NRG1: variants seen among roughly 807,000 people sequenced by gnomAD.
The protein encoded by NRG1 is neuregulin 1.
Under a neutral mutation model 63.8 loss-of-function variants are expected in NRG1, and 18 were observed. That is an observed-to-expected ratio of 0.28 (90% CI 0.19 to 0.42). The LOEUF (loss-of-function observed/expected upper bound fraction) is 0.42. NRG1 is among the 10% of genes least tolerant of loss of function. The pLI is 1.00. For missense variants in NRG1, 762 were observed against 814.7 expected, an observed-to-expected ratio of 0.94 and a Z score of 0.79; for synonymous variants, 302 against 301.3, an observed-to-expected ratio of 1.00 and a Z score of -0.02.
intron 1 of NRG1, among the ~76,000 whole-genome samples, chr8:32,159,644 C>T (rs971839436): frequency 6.0e-5 from 9 of 151,098 alleles, no homozygotes; most frequent in Non-Finnish European, 1.3e-4. Flanking sequence ...AACATTTGGT[C>T]GATGAAAAGT....
chr8:32,772,546 T>C (rs1348852897), downstream of NRG1, among the ~76,000 whole-genome samples: 2 of 152,192 alleles, frequency 1.3e-5, no homozygotes, highest in African/African-American at 4.8e-5. Flanking sequence ...ATGTAAACTT[T>C]GCACCTTTCT....
At chr8:32,068,884 T>C (rs1369856001) in intron 1 of NRG1, among the ~76,000 whole-genome samples, 1 of 152,204 alleles carries the variant, frequency 6.6e-6, no homozygotes, top group Non-Finnish European at 1.5e-5. Flanking sequence ...AGAATCTAGT[T>C]CATTACTCTG....
At chr8:31,807,133 T>C (rs911255330) in intron 1 of NRG1, among the ~76,000 whole-genome samples, 1 of 152,154 alleles carries the variant, frequency 6.6e-6, no homozygotes, top group Admixed American at 6.5e-5. Context: ...CCTTGGGAAA[T>C]AGGAAATGAA....
intron 1 of NRG1, among the ~76,000 whole-genome samples, chr8:31,904,104 G>T (rs1375816831): frequency 1.3e-5 from 2 of 152,080 alleles, no homozygotes; most frequent in Non-Finnish European, 2.9e-5. Context: ...TCCAAATGTG[G>T]TGCACTTTCC....
At chr8:32,541,507 G>GA (rs35243395) in intron 1 of NRG1, among the ~76,000 whole-genome samples, 12,870 of 143,962 alleles carry the variant, frequency 0.089, 604 homozygotes, top group Middle Eastern at 0.11. Context: ...GAACATACAG[G>GA]AAAAAAAAAA....
intron 1 of NRG1, among the ~76,000 whole-genome samples, chr8:32,290,589 CCT>C: frequency 6.6e-6 from 1 of 152,190 alleles, no homozygotes; most frequent in South Asian, 2.1e-4. Flanking sequence ...CTAACTGTGC[CCT>C]GTTACAGTGG....
At chr8:31,784,506 C>A (rs1819994580) in intron 1 of NRG1, among the ~76,000 whole-genome samples, 1 of 152,162 alleles carries the variant, frequency 6.6e-6, no homozygotes, top group Non-Finnish European at 1.5e-5. Flanking sequence ...TGCCGAGTTT[C>A]AATGCTTTAA....
chr8:32,411,040 TAA>T, intron 1 of NRG1, among the ~76,000 whole-genome samples: 1 of 152,074 alleles, frequency 6.6e-6, no homozygotes, highest in African/African-American at 2.4e-5. Flanking sequence ...CATGCCCAGC[TAA>T]TTTTTGTGTT....
chr8:32,438,791 T>C lies in NRG1; in HGVS notation c.38-157037T>C, dbSNP rs528319764. ...TGCATTTCTTTAGTGGCTAATGATGTTGAACATCTTTTCATAGGCTTATTT... is the reference window on the plus strand; with the variant it reads ...TGCATTTCTTTAGTGGCTAATGATGCTGAACATCTTTTCATAGGCTTATTT... On this transcript the variant is annotated intron_variant, in intron 1 of 10. Coordinates refer to the NRG1 transcript ENST00000519301. 2.2e-4 allele frequency among the ~76,000 whole-genome samples: 34 copies of C among 152,322 alleles called. No individual in the cohort carries two copies. The South Asian group carries it at 6.6e-3, about 30-fold the overall frequency.
At chr8:32,493,189 G>A (rs1472825439) in intron 1 of NRG1, among the ~76,000 whole-genome samples, 1 of 152,040 alleles carries the variant, frequency 6.6e-6, no homozygotes, top group Non-Finnish European at 1.5e-5. Flanking sequence ...GTAAACCAGA[G>A]CCTCTTTTCT....
chr8:31,830,769 A>G (rs13249321), intron 1 of NRG1, among the ~76,000 whole-genome samples: 36,397 of 149,836 alleles, frequency 0.24, 4,664 homozygotes, highest in Non-Finnish European at 0.27. Context: ...TCTGTGGGGG[A>G]AAAAAAAAAG....
intron 1 of NRG1, among the ~76,000 whole-genome samples, chr8:32,348,789 A>C (rs11994033): frequency 0.021 from 3,200 of 152,294 alleles, 106 homozygotes; most frequent in African/African-American, 0.073. Flanking sequence ...CAAGGTAAAA[A>C]CAACTGTTTG....
intron 1 of NRG1, among the ~76,000 whole-genome samples, chr8:31,654,811 T>G (rs555931205): frequency 5.6e-4 from 86 of 152,258 alleles, no homozygotes; most frequent in Non-Finnish European, 1.0e-3. Flanking sequence ...CTTGGTGGTG[T>G]GCACCTTCAG....
At chr8:32,438,444 G>T (rs1261001721) in intron 1 of NRG1, among the ~76,000 whole-genome samples, 1 of 151,996 alleles carries the variant, frequency 6.6e-6, no homozygotes, top group South Asian at 2.1e-4. Context: ...AAAGATACTT[G>T]GGTTGTTTCT....
intron 1 of NRG1, among the ~76,000 whole-genome samples, chr8:32,453,016 C>T (rs960312665): frequency 2.6e-5 from 4 of 152,230 alleles, no homozygotes; most frequent in East Asian, 1.9e-4. Flanking sequence ...TGTCTACTCT[C>T]GTTAAGTAGA....
chr8:32,063,825 GT>G (rs1056188809), intron 1 of NRG1, among the ~76,000 whole-genome samples: 6 of 151,684 alleles, frequency 4.0e-5, no homozygotes, highest in African/African-American at 7.3e-5. Flanking sequence ...CTTATATAAA[GT>G]TTTTTTTGTT....
Position 31,710,104 on chromosome 8 carries a change from G to A in NRG1, c.37+70673G>A, listed in dbSNP as rs145945407. Among the ~76,000 whole-genome samples, 764 of 151,724 alleles carry A rather than the reference G, an allele frequency of 5.0e-3. 34 individuals are homozygous for A. In the East Asian group the frequency reaches 0.082, roughly 16 times the overall value. On this transcript the variant is annotated intron_variant, in intron 1 of 10. Transcript: ENST00000519301. ...TATAGCTCATGAATTCAGGTATGAT[G>A]TTTCCATTAATATTATATATTCAGA...
At chr8:32,122,870 C>G (rs574449673) in intron 1 of NRG1, among the ~76,000 whole-genome samples, 1 of 151,454 alleles carries the variant, frequency 6.6e-6, no homozygotes, top group South Asian at 2.1e-4. Context: ...TGAGAACACA[C>G]GGTGTTTGGT....
intron 1 of NRG1, among the ~76,000 whole-genome samples, chr8:31,901,648 C>A (rs1189283125): frequency 6.6e-6 from 1 of 152,108 alleles, no homozygotes; most frequent in Non-Finnish European, 1.5e-5. Flanking sequence ...AACTGCACAA[C>A]GAATGAACGT....
Sources: gnomAD v4.1 joint callset for allele counts (sites outside exome capture counted in the v4.1 genomes callset) on GRCh38, gnomAD v4.1.1 for gene constraint, MANE v1.5 for transcripts, NCBI Gene and HGNC (gene_info 2026-07-23, HGNC 2026-07-21) for gene names.